The following ABHD2 variants were observed in gnomAD, a reference collection of about 807,000 sequenced individuals.
The protein encoded by ABHD2 is abhydrolase domain containing 2, acylglycerol lipase, also known as monoacylglycerol lipase ABHD2.
Under a neutral mutation model 48.1 loss-of-function variants are expected in ABHD2, and 20 were observed. The ratio of observed to expected loss-of-function variants is 0.42; its 90% CI spans 0.29 to 0.60. The LOEUF (loss-of-function observed/expected upper bound fraction) is 0.60. Among genes scored for constraint, ABHD2 ranks in the 20% least tolerant of loss-of-function variants. ABHD2 has a pLI of 0.24. For missense variants in ABHD2, 405 were observed against 550.9 expected (o/e 0.74, Z 2.65); for synonymous variants, 209 against 214.2 (o/e 0.98, Z 0.21).
At chr15:89,054,130 TA>T in the ABHD2 span, among the ~76,000 whole-genome samples, 1 of 152,174 alleles carries the variant, frequency 6.6e-6, no homozygotes, top group Admixed American at 6.5e-5. Flanking sequence ...AAGACCAGCC[TA>T]GCCAACATGA....
upstream of ABHD2, among the ~76,000 whole-genome samples, chr15:89,084,746 A>G (rs948052292): frequency 6.6e-6 from 1 of 152,244 alleles, no homozygotes; most frequent in African/African-American, 2.4e-5. The surrounding 1 kb of genome is among the most constrained non-coding windows in gnomAD (Gnocchi z 4.4). Flanking sequence ...GCTGTGGCAA[A>G]CATTTATTAA....
the ABHD2 span, among the ~76,000 whole-genome samples, chr15:89,074,700 G>C: frequency 3.3e-5 from 5 of 152,182 alleles, no homozygotes; most frequent in Non-Finnish European, 7.3e-5. Context: ...AGGCCTGTAT[G>C]AGGTTCACCT....
chr15:89,191,100 C>A lies in ABHD2; in HGVS notation c.947C>A (p.Ser316Tyr). 1 of 1,613,928 alleles carries A rather than the reference C, an allele frequency of 6.2e-7. No individual in the cohort carries two copies. The highest frequency in any genetic ancestry group is 1.1e-5 in the South Asian group (1 of 91,076). ...NVMRKFHGYN[S>Y]LKEYYEEESC... ...TGCAGGAAGTTTCACGGCTATAACT[C>A]CCTGAAGGAATACTATGAGGAAGAA... The change falls in exon 9 of 11, where the codon TCC becomes TAC. Residue 316 changes from serine to tyrosine, a missense_variant. Physicochemically the swap from Ser to Tyr is moderately radical, Grantham distance 144. Coordinates refer to ENST00000352732, the MANE Select transcript of ABHD2 (RefSeq NM_152924.5).
At chr15:89,056,908 C>CGTTTTTTTTTTTTTT in the ABHD2 span, among the ~76,000 whole-genome samples, 1 of 87,418 alleles carries the variant, frequency 1.1e-5, no homozygotes, top group Non-Finnish European at 2.1e-5. Context: ...TAAGTGATAC[C>CGTTTTTTTTTTTTTT]TTTTTTTTTT....
the ABHD2 span, among the ~76,000 whole-genome samples, chr15:89,080,158 G>A: frequency 2.0e-3 from 312 of 152,338 alleles, 1 homozygote; most frequent in African/African-American, 7.2e-3. Flanking sequence ...TGCTCATAAA[G>A]CCGGATTGTC....
Position 89,155,292 on chromosome 15 carries a change from C to T in ABHD2, c.371-75C>T. On this transcript the variant is annotated intron_variant, in intron 4 of 10. Coordinates refer to ENST00000352732, the MANE Select transcript of ABHD2 (RefSeq NM_152924.5). This position sits in a 1 kb window ranked among gnomAD's most constrained non-coding sequence, Gnocchi z 4.9. ...AATTCCCTCCCCTTGTTTTCTAGAC[C>T]AGTGAAGTGTAATTATGTCCATTTA... 6.8e-7 allele frequency: 1 copy of T among 1,479,648 alleles called. No individual in the cohort carries two copies. Among genetic ancestry groups the T allele is most frequent in the Admixed American group, 1.8e-5 (1 of 55,414 alleles). 91.7% of individuals were successfully genotyped at this position (1,479,648 alleles called of 1,614,324 possible). A position where few individuals can be genotyped will look rare whatever the true frequency, so the allele number is the denominator to read the frequency against.
chr15:89,170,151 T>C (rs1280305035), intron 5 of ABHD2, among the ~76,000 whole-genome samples: 1 of 133,866 alleles, frequency 7.5e-6, no homozygotes, highest in African/African-American at 2.7e-5. Flanking sequence ...GACTGGAGTG[T>C]AGTGGCACAA....
intron 4 of ABHD2, among the ~76,000 whole-genome samples, chr15:89,153,993 C>T (rs547420411): frequency 8.0e-4 from 122 of 152,244 alleles, no homozygotes; most frequent in African/African-American, 2.9e-3. Flanking sequence ...TTATTTACAA[C>T]TTTGTGATTA....
rs1018967331 is a variant in ABHD2, at chr15:89,184,465, TAA to T, written c.723-956_723-955del. 6.6e-6 allele frequency among the ~76,000 whole-genome samples: 1 copy of T among 152,072 alleles called. No individual in the cohort carries two copies. The highest frequency in any genetic ancestry group is 6.5e-5 in the Admixed American group (1 of 15,268). ...CCTGGAGATTTTGAAACGTGCAAGA[TAA>T]AAGTTTCCCTGTAATGAGTGTGGAC... On this transcript the variant is annotated intron_variant, in intron 6 of 10. Transcript: ENST00000352732. This position sits in a 1 kb window ranked among gnomAD's most constrained non-coding sequence, Gnocchi z 5.1.
chr15:89,193,889 C>T (rs2051347740), intron 10 of ABHD2, among the ~76,000 whole-genome samples: 1 of 148,382 alleles, frequency 6.7e-6, no homozygotes, highest in Admixed American at 6.8e-5. Flanking sequence ...CCACTGCACT[C>T]CAGCCTGGGT....
rs902881338 is a variant in ABHD2, at chr15:89,176,380, G to A, written c.722+385G>A. On this transcript the variant is annotated intron_variant, in intron 6 of 10. Coordinates refer to ENST00000352732, the MANE Select transcript of ABHD2 (RefSeq NM_152924.5). The surrounding 1 kb of genome is among the most constrained non-coding windows in gnomAD (Gnocchi z 4.5). ...CTGGGATCTGAAAGCTGGGCCTTGG[G>A]ATCCCAGATCCCTCCTTCCTGCAAG... 5.3e-5 allele frequency among the ~76,000 whole-genome samples: 8 copies of A among 152,190 alleles called. No homozygotes were observed. Among genetic ancestry groups the A allele is most frequent in the Non-Finnish European group, 1.2e-4 (8 of 68,034 alleles).
At chr15:89,122,490 G>A (rs1596084261) in intron 3 of ABHD2, among the ~76,000 whole-genome samples, 1 of 152,160 alleles carries the variant, frequency 6.6e-6, no homozygotes, top group South Asian at 2.1e-4. Flanking sequence ...CACTGTATCC[G>A]GCTTGTTCAA....
intron 5 of ABHD2, among the ~76,000 whole-genome samples, chr15:89,162,646 C>G (rs2050779645): frequency 6.6e-6 from 1 of 152,148 alleles, no homozygotes; most frequent in African/African-American, 2.4e-5. Flanking sequence ...CAAGATGTCA[C>G]CCTCTCAGAG....
At chr15:89,103,178 G>A (rs2049728299) in intron 1 of ABHD2, among the ~76,000 whole-genome samples, 1 of 152,116 alleles carries the variant, frequency 6.6e-6, no homozygotes, top group Admixed American at 6.5e-5. Flanking sequence ...GGACTACTTG[G>A]GGACCAATTC....
At chr15:89,144,111 C>G (rs1285060462) in intron 3 of ABHD2, among the ~76,000 whole-genome samples, 1 of 152,020 alleles carries the variant, frequency 6.6e-6, no homozygotes, top group Non-Finnish European at 1.5e-5. Context: ...TCACAATAGC[C>G]AAAAATTGGA....
rs963539923 is a variant in ABHD2, at chr15:89,114,636, C to T, written c.-7+812C>T. Among the ~76,000 whole-genome samples the T allele has an allele frequency of 3.9e-5, 6 of 152,146 alleles. No individual in the cohort carries two copies. Among genetic ancestry groups the T allele is most frequent in the Non-Finnish European group, 5.9e-5 (4 of 68,036 alleles). On this transcript the variant is annotated intron_variant, in intron 2 of 10. Coordinates refer to ENST00000352732, the MANE Select transcript of ABHD2 (RefSeq NM_152924.5). This position sits in a 1 kb window ranked among gnomAD's most constrained non-coding sequence, Gnocchi z 4.2. ...TAGCTGGGATTACAGGCATGTGCCA[C>T]CACGCCCGGCAAATTTTTGTATTTT...
the ABHD2 span, chr15:89,041,302 T>A: frequency 6.6e-6 from 1 of 152,166 alleles, no homozygotes; most frequent in Non-Finnish European, 1.5e-5. Context: ...TGAGCAAATG[T>A]GAGTTTTGTG....
chr15:89,201,479 C>T lies in ABHD2; in HGVS notation c.*6056C>T. 6.5e-7 allele frequency: 1 copy of T among 1,540,792 alleles called. No homozygotes were observed. The highest frequency in any genetic ancestry group is 8.9e-7 in the Non-Finnish European group (1 of 1,117,560). On this transcript the variant is annotated 3_prime_UTR_variant, in exon 11 of 11. Coordinates refer to ENST00000352732, the MANE Select transcript of ABHD2 (RefSeq NM_152924.5). ...GGTTTTGCCTCATTCCACACAGCTT[C>T]CATATCTGAAGTGTTTAGTGGAGCA...
rs115303522 is a variant in ABHD2 at position 89,111,413 on chromosome 15, A to G, written c.-106-2312A>G. Among the ~76,000 whole-genome samples, 1,320 of 152,304 alleles carry G rather than the reference A, an allele frequency of 8.7e-3. 17 individuals carry two copies. The highest frequency in any genetic ancestry group is 0.029 in the African/African-American group (1,189 of 41,558). On this transcript the variant is annotated intron_variant, in intron 1 of 10. Coordinates refer to ENST00000352732, the MANE Select transcript of ABHD2 (RefSeq NM_152924.5). ...CTTCAACTGCTCATTCTCTCATGTA[A>G]AAGAAGTCCTGAGATAGGCAGTCTA...
Sources: gnomAD v4.1 joint callset for allele counts (sites outside exome capture counted in the v4.1 genomes callset) on GRCh38, gnomAD v4.1.1 for gene constraint, Gnocchi (gnomAD v3.1) non-coding constraint, MANE v1.5 for transcripts, NCBI Gene and HGNC (gene_info 2026-07-23, HGNC 2026-07-21) for gene names.